FOLR3: variants seen among roughly 807,000 people sequenced by gnomAD.
FOLR3 encodes folate receptor 3 (gamma).
Under a neutral mutation model 20.0 loss-of-function variants are expected in FOLR3, and 9 were observed. That is an observed-to-expected ratio of 0.45 (90% CI 0.27 to 0.79). The LOEUF is 0.79. Ranked by LOEUF, FOLR3 falls within the 30% of genes least tolerant of loss-of-function variation. The pLI, the probability that FOLR3 is intolerant of heterozygous loss-of-function variation, is 0.15. For missense variants in FOLR3, 309 were observed against 323.5 expected (o/e 0.96, Z 0.34); for synonymous variants, 124 against 115.5 (o/e 1.07, Z -0.47).
chr11:72,139,802 G>T lies in FOLR3; in HGVS notation c.709G>T (p.Ala237Ser), dbSNP rs769783918. 5 of 1,614,008 alleles carry T rather than the reference G, an allele frequency of 3.1e-6. No individual in the cohort carries two copies. The highest frequency in any genetic ancestry group is 2.2e-5 in the East Asian group (1 of 44,882). ...CTATGCTGCGGCCATGAATGCTGGG[G>T]CCCCGTCTCGTGGGATTATTGATTC... ...KFYAAAMNAG[A>S]PSRGIIDS The change falls in exon 5 of 5, where the codon GCC becomes TCC. Residue 237 changes from alanine (A) to serine (S), a missense_variant. Ala to Ser is a moderately conservative substitution (Grantham distance 99). Coordinates refer to ENST00000611028, the MANE Select transcript of FOLR3 (RefSeq NM_000804.4).
intron 2 of FOLR3, among the ~76,000 whole-genome samples, chr11:72,137,778 G>A: frequency 6.6e-6 from 1 of 152,116 alleles, no homozygotes; most frequent in Non-Finnish European, 1.5e-5. Context: ...TACCATGGGT[G>A]TAGCTTACTT....
At chr11:72,139,175 T>C in intron 3 of FOLR3, 26 bp downstream of exon 3, 1 of 1,601,522 alleles carries the variant, frequency 6.2e-7, no homozygotes, top group Non-Finnish European at 8.5e-7. Flanking sequence ...CCACAAACAT[T>C]AACCTCAGCA....
intron 2 of FOLR3, among the ~76,000 whole-genome samples, chr11:72,138,183 A>G (rs12574182): frequency 0.066 from 10,041 of 152,208 alleles, 429 homozygotes; most frequent in African/African-American, 0.11. Context: ...CCTGGCAAAC[A>G]TGGTGAACCC....
Position 72,139,101 on chromosome 11 carries a change from C to T in FOLR3, c.309C>T (p.Asp103=), listed in dbSNP as rs564543390. The change falls in exon 3 of 5, where the codon GAC becomes GAT. Residue 103 remains aspartate (D), a synonymous_variant. Coordinates refer to ENST00000611028, the MANE Select transcript of FOLR3 (RefSeq NM_000804.4). ...CCTGCAAGCGCCACTTTATCCAGGA[C>T]AGCTGTCTCTATGAGTGCTCACCCA... ...EPTCKRHFIQ[D]SCLYECSPNL... The T allele has an allele frequency of 1.0e-4, 150 of 1,496,652 alleles. No homozygotes were observed. Among genetic ancestry groups the T allele is most frequent in the Non-Finnish European group, 1.2e-4 (135 of 1,121,874 alleles). 92.7% of individuals were successfully genotyped at this position (1,496,652 alleles called of 1,614,324 possible).
At chr11:72,137,008 G>A (rs1947750059) in intron 2 of FOLR3, among the ~76,000 whole-genome samples, 1 of 152,228 alleles carries the variant, frequency 6.6e-6, no homozygotes, top group Admixed American at 6.5e-5. Context: ...GGCTGGCAGG[G>A]AAGCATGTTC....
chr11:72,138,990 C>G lies in FOLR3; in HGVS notation c.198C>G (p.Cys66Trp), dbSNP rs368001593. 6.2e-7 allele frequency: 1 copy of G among 1,613,888 alleles called. No individual in the cohort carries two copies. The highest frequency in any genetic ancestry group is 8.5e-7 in the Non-Finnish European group (1 of 1,179,900). The part of the protein sequence containing the change: ...QCSPWKKNAC[C>W]TASTSQELHK... ...GTCCCTGGAAGAAGAATGCCTGCTG[C>G]ACGGCCAGCACCAGCCAGGAGCTGC... Residue 66 changes from cysteine to tryptophan, a missense_variant, in exon 3 of 5, where the codon TGC (cysteine) becomes TGG (tryptophan). By Grantham distance (215) the Cys-to-Trp change is radical. Coordinates refer to ENST00000611028, the MANE Select transcript of FOLR3 (RefSeq NM_000804.4).
rs1174136846 is a variant in FOLR3, at chr11:72,135,799, C to G, written c.-7+31C>G. On this transcript the variant is annotated intron_variant, in intron 1 of 4. Coordinates refer to ENST00000611028, the MANE Select transcript of FOLR3 (RefSeq NM_000804.4). ...GGAAGGGCTCCCTCTCACCTCTACA[C>G]GCAGCGCATTTCTTGGCTCAGCTGC... is the stretch of plus-strand genomic sequence containing the variant. 4.9e-6 allele frequency: 4 copies of G among 821,260 alleles called. 1 individual carries two copies. The highest frequency in any genetic ancestry group is 4.6e-5 in the South Asian group (3 of 64,604). The allele number at this position is 821,260 out of a possible 1,614,324, so 50.9% of individuals were successfully genotyped here.
chr11:72,137,334 C>T (rs753175165), intron 2 of FOLR3, among the ~76,000 whole-genome samples: 1 of 152,016 alleles, frequency 6.6e-6, no homozygotes, highest in Non-Finnish European at 1.5e-5. Context: ...GACCCACGTG[C>T]AGGCTATAGC....
chr11:72,139,710 G>T lies in FOLR3; in HGVS notation c.617G>T (p.Ser206Ile). Residue 206 changes from serine (S) to isoleucine (I), a missense_variant, in exon 5 of 5, where the codon AGC becomes ATC. Coordinates refer to ENST00000611028, the MANE Select transcript of FOLR3 (RefSeq NM_000804.4). ...SFKVSNYSRG[S>I]GRCIQMWFDS... ...AAGGTCAGCAACTATAGTCGAGGGA[G>T]CGGCCGCTGCATCCAGATGTGGTTT... 6.2e-7 allele frequency: 1 copy of T among 1,613,962 alleles called. No homozygotes were observed. The highest frequency in any genetic ancestry group is 8.5e-7 in the Non-Finnish European group (1 of 1,180,008).
intron 2 of FOLR3, chr11:72,138,731 C>A: frequency 1.7e-6 from 1 of 573,090 alleles, no homozygotes. Context: ...ATGATCACAC[C>A]ACTGCGCTCC....
intron 2 of FOLR3, among the ~76,000 whole-genome samples, chr11:72,138,153 G>A (rs1947763748): frequency 6.6e-6 from 1 of 152,194 alleles, no homozygotes; most frequent in Non-Finnish European, 1.5e-5. Context: ...GATCACCTGA[G>A]GTCAGGAGTT....
chr11:72,139,795 T>C lies in FOLR3; in HGVS notation c.702T>C (p.Asn234=). 1 of 1,613,916 alleles carries C rather than the reference T, an allele frequency of 6.2e-7. No individual in the cohort carries two copies. Among genetic ancestry groups the C allele is most frequent in the Non-Finnish European group, 8.5e-7 (1 of 1,179,856 alleles). The part of the protein sequence containing the change: ...EVAKFYAAAM[N]AGAPSRGIID... ...CCAAGTTCTATGCTGCGGCCATGAATGCTGGGGCCCCGTCTCGTGGGATTA... is the reference window on the plus strand; with the variant it reads ...CCAAGTTCTATGCTGCGGCCATGAACGCTGGGGCCCCGTCTCGTGGGATTA... Residue 234 remains asparagine (N), a synonymous_variant, in exon 5 of 5, where the codon AAT becomes AAC. Coordinates refer to ENST00000611028, the MANE Select transcript of FOLR3 (RefSeq NM_000804.4).
intron 2 of FOLR3, 72 bp downstream of exon 2, chr11:72,136,192 G>A (rs1388019838): frequency 1.3e-6 from 2 of 1,569,972 alleles, no homozygotes; most frequent in African/African-American, 2.7e-5. Flanking sequence ...GGCAGGTCCA[G>A]TGTGGTCAGA....
Position 72,139,318 on chromosome 11 carries a change from C to CT in FOLR3, c.358-29_358-28insT, listed in dbSNP as rs777731920. On this transcript the variant is annotated intron_variant, in intron 3 of 4. Coordinates refer to ENST00000611028, the MANE Select transcript of FOLR3 (RefSeq NM_000804.4). ...TAAAGCTGCTGAGATACGTGGCTGACAGGAGTATTCTGTCTCCTCCCCACT... is the reference window on the plus strand; with the variant it reads ...TAAAGCTGCTGAGATACGTGGCTGACTAGGAGTATTCTGTCTCCTCCCCACT... 3.1e-6 allele frequency: 5 copies of CT among 1,606,374 alleles called. No individual in the cohort carries two copies. In the African/African-American group the frequency reaches 6.7e-5, roughly 21 times the overall value.
At chr11:72,139,565 G>T (rs1001369035) in intron 4 of FOLR3, 22 bp from the exon 5 acceptor site, 6 of 1,613,696 alleles carry the variant, frequency 3.7e-6, no homozygotes, top group Non-Finnish European at 5.1e-6. Flanking sequence ...GAAGCTAAGG[G>T]TCTTACGTTC....
chr11:72,138,960 G>A lies in FOLR3; in HGVS notation c.169-1G>A, dbSNP rs994030232. ...CTTAGTCCTGTGTCTTCCCCACCCA[G>A]TGCAGTCCCTGGAAGAAGAATGCCT... On this transcript the variant is annotated splice_acceptor_variant, in intron 2 of 4. Transcript: ENST00000611028. LOFTEE classifies it high-confidence loss of function. 5.6e-6 allele frequency: 9 copies of A among 1,613,808 alleles called. No homozygotes were observed. The East Asian group carries it at 6.7e-5, about 12-fold the overall frequency.
In FOLR3 at chr11:72,138,948, C is replaced by T; in HGVS notation, c.169-13C>T. The stretch of plus-strand genomic sequence containing the variant: ...GGTGGGGAGAGACTTAGTCCTGTGT[C>T]TTCCCCACCCAGTGCAGTCCCTGGA... On this transcript the variant is annotated splice_polypyrimidine_tract_variant and intron_variant, in intron 2 of 4. Transcript: ENST00000611028. 6.2e-7 allele frequency: 1 copy of T among 1,613,730 alleles called. No individual in the cohort carries two copies. Among genetic ancestry groups the T allele is most frequent in the Non-Finnish European group, 8.5e-7 (1 of 1,179,776 alleles).
In FOLR3 at chr11:72,139,653, C is replaced by T; in HGVS notation, c.560C>T (p.Ala187Val). 4 of 1,613,562 alleles carry T rather than the reference C, an allele frequency of 2.5e-6. No individual in the cohort carries two copies. Among genetic ancestry groups the T allele is most frequent in the Non-Finnish European group, 3.4e-6 (4 of 1,179,888 alleles). ...TFESYFPTPA[A>V]LCEGLWSHSF... ...GAGTCCTACTTCCCCACTCCAGCCG[C>T]CCTTTGTGAAGGCCTCTGGAGCCAC... Residue 187 changes from alanine (A) to valine (V), a missense_variant, in exon 5 of 5, where the codon GCC becomes GTC. By Grantham distance (64) the Ala-to-Val change is moderately conservative (BLOSUM62 0). Coordinates refer to ENST00000611028, the MANE Select transcript of FOLR3 (RefSeq NM_000804.4).
At position 72,139,036 on chromosome 11, in the gene FOLR3, T is replaced by C. The variant is rs1179758766; in HGVS notation, c.244T>C (p.Tyr82His). Reference protein sequence around the residue: ...QELHKDTSRLYNFNWDHCGKM... With the variant: ...QELHKDTSRLHNFNWDHCGKM... ...GCTGCACAAGGACACCTCCCGCCTG[T>C]ACAACTTTAACTGGGATCACTGTGG... Residue 82 changes from tyrosine (Y) to histidine (H), a missense_variant, in exon 3 of 5, where the codon TAC becomes CAC. Physicochemically the swap from Tyr to His is moderately conservative, Grantham distance 83. Transcript: ENST00000611028. 2 of 1,613,918 alleles carry C rather than the reference T, an allele frequency of 1.2e-6. No homozygotes were observed. Among genetic ancestry groups the C allele is most frequent in the African/African-American group, 1.3e-5 (1 of 74,912 alleles).
Sources: allele counts gnomAD v4.1 joint callset (sites outside exome capture counted in the v4.1 genomes callset), GRCh38; gene constraint gnomAD v4.1.1; transcripts MANE v1.5; gene names NCBI Gene and HGNC (gene_info 2026-07-23, HGNC 2026-07-21).